Variants in ZNF469 observed in about 807,000 individuals in gnomAD.
ZNF469 encodes the protein zinc finger protein 469.
ZNF469 carries 1 observed loss-of-function variant against 1.0 expected under a neutral mutation model. The ratio of observed to expected loss-of-function variants is 1.00; its 90% CI spans 0.35 to 4.73. ZNF469 has a LOEUF of 4.73. ZNF469 is among the 30% of genes most tolerant of loss of function. The pLI is 0.16. For missense variants in ZNF469, 6,100 were observed against 5,356.3 expected (o/e 1.14, Z -4.33); for synonymous variants, 2,703 against 2,363.4 (o/e 1.14, Z -4.17).
intron 1 of ZNF469, among the ~76,000 whole-genome samples, chr16:88,423,953 C>T: frequency 6.6e-6 from 1 of 152,256 alleles, no homozygotes; most frequent in East Asian, 1.9e-4. Flanking sequence ...TGAGGCTCCA[C>T]CTCTTGAAGG....
chr16:88,184,982 T>G, the ZNF469 span, among the ~76,000 whole-genome samples: 1 of 151,748 alleles, frequency 6.6e-6, no homozygotes, highest in Non-Finnish European at 1.5e-5. Flanking sequence ...GACTTACATA[T>G]TCACACTCAC....
At chr16:88,222,896 T>C in the ZNF469 span, among the ~76,000 whole-genome samples, 2 of 152,194 alleles carry the variant, frequency 1.3e-5, no homozygotes, top group African/African-American at 4.8e-5. Context: ...ACCACACTCA[T>C]CCCAAAGGAT....
Position 88,440,707 on chromosome 16 carries a change from A to AT in ZNF469, c.*1376dup, listed in dbSNP as rs1242534294. ...GCCCTGAGGTTGTACTGTAAACATC[A>AT]TAGTGACTTGTCTTTTCAAATATAT... is the stretch of plus-strand genomic sequence containing the variant. On this transcript the variant is annotated 3_prime_UTR_variant, in exon 3 of 3. Coordinates refer to ENST00000565624, the MANE Select transcript of ZNF469 (RefSeq NM_001367624.2). 6.6e-6 allele frequency: 1 copy of AT among 152,180 alleles called. No homozygotes were observed. The highest frequency in any genetic ancestry group is 2.4e-5 in the African/African-American group (1 of 41,426). 9.4% of individuals were successfully genotyped at this position (152,180 alleles called of 1,614,324 possible). A position where few individuals can be genotyped will look rare whatever the true frequency, so the allele number is the denominator to read the frequency against.
At chr16:88,186,806 G>A in the ZNF469 span, among the ~76,000 whole-genome samples, 1 of 152,236 alleles carries the variant, frequency 6.6e-6, no homozygotes, top group South Asian at 2.1e-4. Context: ...CGGCATCCAG[G>A]GTTCTGGCGG....
intron 1 of ZNF469, among the ~76,000 whole-genome samples, chr16:88,399,953 C>T (rs530277684): frequency 3.3e-5 from 5 of 152,318 alleles, no homozygotes; most frequent in African/African-American, 1.2e-4. Flanking sequence ...CTCTGGGATC[C>T]CACGCGGGTC....
chr16:88,430,943 C>T lies in ZNF469; in HGVS notation c.3473C>T (p.Pro1158Leu). The T allele has an allele frequency of 6.5e-7, 1 of 1,535,762 alleles. No individual in the cohort carries two copies. The highest frequency in any genetic ancestry group is 8.7e-7 in the Non-Finnish European group (1 of 1,145,016). ...GDGAPANPEE[P>L]GGSRPGPGRS... The stretch of plus-strand genomic sequence containing the variant: ...GGAGCCCCCGCGAACCCCGAGGAGC[C>T]GGGCGGGTCTCGCCCGGGCCCCGGC... Residue 1158 changes from proline (P) to leucine (L), a missense_variant, in exon 3 of 3, where the codon CCG (proline) becomes CTG (leucine). Physicochemically the swap from Pro to Leu is moderately conservative, Grantham distance 98. Coordinates refer to ENST00000565624, the MANE Select transcript of ZNF469 (RefSeq NM_001367624.2).
At chr16:88,425,035 G>A (rs1303613870) in intron 2 of ZNF469, among the ~76,000 whole-genome samples, 164 bp downstream of exon 2, 1 of 152,146 alleles carries the variant, frequency 6.6e-6, no homozygotes, top group African/African-American at 2.4e-5. Flanking sequence ...GGCCCGCCGG[G>A]CAGGGCTTCC....
chr16:88,262,210 T>C, the ZNF469 span, among the ~76,000 whole-genome samples: 1 of 152,048 alleles, frequency 6.6e-6, no homozygotes, highest in African/African-American at 2.4e-5. This position sits in a 1 kb window ranked among gnomAD's most constrained non-coding sequence, Gnocchi z 4.3. Context: ...GCCTTTTCCA[T>C]CCCGGTGGTA....
chr16:88,439,038 C>T lies in ZNF469; in HGVS notation c.11568C>T (p.Arg3856=), dbSNP rs367547260. 3.7e-4 allele frequency: 578 copies of T among 1,550,454 alleles called. 2 individuals are homozygous for T. In the African/African-American group the frequency reaches 6.7e-3, roughly 18 times the overall value. Reference sequence around the variant, plus strand: ...CTCGGAAGCAGGCAACTCCCAGCCGCGTGCTCCCGACCAAGCCCAAGCCCA... The same window carrying T: ...CTCGGAAGCAGGCAACTCCCAGCCGTGTGCTCCCGACCAAGCCCAAGCCCA... ...RTPRKQATPS[R]VLPTKPKPNS... The change falls in exon 3 of 3, where the codon CGC becomes CGT. Residue 3856 remains arginine (R), a synonymous_variant. Transcript: ENST00000565624.
At chr16:88,339,818 G>A in the ZNF469 span, among the ~76,000 whole-genome samples, 4 of 116,034 alleles carry the variant, frequency 3.4e-5, no homozygotes, top group Admixed American at 1.7e-4. Flanking sequence ...GCAGGGGGAC[G>A]AGGGGGCAGG....
At chr16:88,392,222 G>A (rs956032460) in intron 1 of ZNF469, among the ~76,000 whole-genome samples, 7 of 152,378 alleles carry the variant, frequency 4.6e-5, no homozygotes, top group South Asian at 4.1e-4. Context: ...TGCGCTCTGC[G>A]CTTGTACCGT....
At chr16:88,122,649 C>G in the ZNF469 span, among the ~76,000 whole-genome samples, 1 of 152,288 alleles carries the variant, frequency 6.6e-6, no homozygotes, top group African/African-American at 2.4e-5. Context: ...AGCCGGCAAC[C>G]TCCAAAAGGC....
At chr16:88,170,583 G>C in the ZNF469 span, among the ~76,000 whole-genome samples, 1 of 152,080 alleles carries the variant, frequency 6.6e-6, no homozygotes, top group Non-Finnish European at 1.5e-5. This position sits in a 1 kb window ranked among gnomAD's most constrained non-coding sequence, Gnocchi z 4.2. Context: ...ACGTCCTCCA[G>C]CCTCCTCCAC....
At chr16:88,270,193 G>C in the ZNF469 span, among the ~76,000 whole-genome samples, 4 of 152,226 alleles carry the variant, frequency 2.6e-5, no homozygotes, top group Admixed American at 2.0e-4. Context: ...TGTGGGTAGA[G>C]AGAGGGTCTG....
At chr16:88,132,579 C>G in the ZNF469 span, among the ~76,000 whole-genome samples, 37 of 152,364 alleles carry the variant, frequency 2.4e-4, no homozygotes, top group Middle Eastern at 3.4e-3. Flanking sequence ...CCCAGCTCTG[C>G]TACCGTCAGG....
Position 88,438,078 on chromosome 16 carries a change from C to G in ZNF469, c.10608C>G (p.His3536Gln). 6.4e-7 allele frequency: 1 copy of G among 1,550,454 alleles called. No homozygotes were observed. Among genetic ancestry groups the G allele is most frequent in the Admixed American group, 2.0e-5 (1 of 51,010 alleles). The change falls in exon 3 of 3, where the codon CAC becomes CAG. Residue 3536 changes from histidine (H) to glutamine (Q), a missense_variant. Coordinates refer to ENST00000565624, the MANE Select transcript of ZNF469 (RefSeq NM_001367624.2). ...AGAGGCCTGTAGACCCCGTGACCCA[C>G]CCGATCAGAGGTTGTGAGCTGCCAT... Reference protein sequence around the residue: ...TLERPVDPVTHPIRGCELPSN... With the variant: ...TLERPVDPVTQPIRGCELPSN...
chr16:88,389,913 A>C (rs1226297210), intron 1 of ZNF469, among the ~76,000 whole-genome samples: 1 of 152,130 alleles, frequency 6.6e-6, no homozygotes, highest in African/African-American at 2.4e-5. Flanking sequence ...CACTCTCCAC[A>C]TGCAGGGCCA....
intron 1 of ZNF469, among the ~76,000 whole-genome samples, chr16:88,404,607 G>C (rs978480128): frequency 2.4e-4 from 36 of 152,220 alleles, no homozygotes; most frequent in African/African-American, 8.4e-4. Context: ...GAAGGCTCTA[G>C]TGCAGGGTGA....
the ZNF469 span, among the ~76,000 whole-genome samples, chr16:88,174,922 A>G: frequency 3.2e-3 from 462 of 144,354 alleles, 3 homozygotes; most frequent in African/African-American, 0.011. Context: ...CAACCTCTGC[A>G]TTATTCTAGG....
Sources: gnomAD v4.1 joint callset for allele counts (sites outside exome capture counted in the v4.1 genomes callset) on GRCh38, gnomAD v4.1.1 for gene constraint, Gnocchi (gnomAD v3.1) non-coding constraint, MANE v1.5 for transcripts, NCBI Gene and HGNC (gene_info 2026-07-23, HGNC 2026-07-21) for gene names.